The following QRICH2 variants were observed in gnomAD, a reference collection of about 807,000 sequenced individuals.
QRICH2 encodes the protein glutamine-rich protein 2.
Under a neutral mutation model 168.3 loss-of-function variants are expected in QRICH2, and 119 were observed. That is an observed-to-expected ratio of 0.71 (90% CI 0.61 to 0.82). The LOEUF is 0.82. Ranked by LOEUF, QRICH2 falls within the 40% of genes least tolerant of loss-of-function variation. The pLI is 0.00. For synonymous variants in QRICH2, 894 were observed against 951.2 expected (o/e 0.94, Z 1.11); for missense variants, 2,241 against 2,491.6 (o/e 0.90, Z 2.14).
upstream of QRICH2, chr17:76,308,343 G>C (rs2071023197): frequency 1.0e-6 from 1 of 985,336 alleles, no homozygotes; most frequent in Non-Finnish European, 1.2e-6. Context: ...CGAGCCACGG[G>C]GGCGGGGGGA....
In QRICH2 at chr17:76,292,603, A is replaced by T; in HGVS notation, c.2124T>A (p.His708Gln). The change falls in exon 4 of 19, where the codon CAT (histidine) becomes CAA (glutamine). Residue 708 changes from histidine (H) to glutamine (Q), a missense_variant. His to Gln is a conservative substitution (Grantham distance 24, BLOSUM62 0). Coordinates refer to ENST00000680821, the MANE Select transcript of QRICH2 (RefSeq NM_001388453.1). ...GATCTGCACCAGATTGTACCAAACC[A>T]TGCTGATCTGCACCAGGTTGCACCA... is the stretch of plus-strand genomic sequence containing the variant. The part of the protein sequence containing the change: ...IDVVQPGADQ[H>Q]GLVQSGADQS... 2 of 1,614,140 alleles carry T rather than the reference A, an allele frequency of 1.2e-6. No individual in the cohort carries two copies. The highest frequency in any genetic ancestry group is 1.7e-6 in the Non-Finnish European group (2 of 1,179,984).
chr17:76,280,626 A>G lies in QRICH2; in HGVS notation c.4461+28T>C, dbSNP rs866576586. 3.1e-6 allele frequency: 5 copies of G among 1,613,346 alleles called. No homozygotes were observed. The highest frequency in any genetic ancestry group is 3.3e-4 in the Middle Eastern group (2 of 6,074). Reference sequence around the variant, plus strand: ...AGTCAGCGAGACCGCCCTGGGACACAGCGTGGCTCCTGGGGCCTGGCACCC... The same window carrying G: ...AGTCAGCGAGACCGCCCTGGGACACGGCGTGGCTCCTGGGGCCTGGCACCC... On this transcript the variant is annotated intron_variant, in intron 10 of 18. Transcript: ENST00000680821. This position sits in a 1 kb window ranked among gnomAD's most constrained non-coding sequence, Gnocchi z 7.4.
chr17:76,308,210 T>C lies in QRICH2; in HGVS notation c.-212A>G. ...GTCCGCGATGGCCACCCCTCCGCTG[T>C]CTGTCGCTGGCCTCGGGTCCCCGAG... On this transcript the variant is annotated 5_prime_UTR_variant, in exon 1 of 19. Coordinates refer to ENST00000680821, the MANE Select transcript of QRICH2 (RefSeq NM_001388453.1). The C allele has an allele frequency of 5.1e-6, 5 of 985,386 alleles. No homozygotes were observed. Among genetic ancestry groups the C allele is most frequent in the Non-Finnish European group, 4.8e-6 (4 of 829,892 alleles). The allele number at this position is 985,386 out of a possible 1,614,324, so 61.0% of individuals were successfully genotyped here.
In QRICH2 at chr17:76,301,459, C is replaced by T. The variant is rs149130099; in HGVS notation, c.705+2956G>A. On this transcript the variant is annotated intron_variant, in intron 3 of 18. Coordinates refer to ENST00000680821, the MANE Select transcript of QRICH2 (RefSeq NM_001388453.1). ...GGTACGCACCTGTGGTCCCAACTAC[C>T]GGGGAGGCTGAGGCAGGAGGATTGC... is the stretch of plus-strand genomic sequence containing the variant. The T allele has an allele frequency of 7.9e-4, 186 of 236,228 alleles. 3 individuals are homozygous for T. The East Asian group carries it at 0.027, about 35-fold the overall frequency. The allele number at this position is 236,228 out of a possible 1,614,324, so 14.6% of individuals were successfully genotyped here.
chr17:76,275,778 C>A, intron 18 of QRICH2, 41 bp downstream of exon 18: 1 of 1,593,126 alleles, frequency 6.3e-7, no homozygotes. Flanking sequence ...GCAGGGCCAG[C>A]GGGGAGGCCT....
rs139211093 is a variant in QRICH2 at position 76,279,192 on chromosome 17, G to A, written c.4815-50C>T. On this transcript the variant is annotated intron_variant, in intron 13 of 18. Coordinates refer to ENST00000680821, the MANE Select transcript of QRICH2 (RefSeq NM_001388453.1). ...GGCGGGTCAGAGTGGGACAAGTCCGGTCCCCCAAATCCACCTGCCTAAAGA... is the reference window on the plus strand; with the variant it reads ...GGCGGGTCAGAGTGGGACAAGTCCGATCCCCCAAATCCACCTGCCTAAAGA... The A allele has an allele frequency of 1.1e-3, 1,672 of 1,488,256 alleles. 15 individuals are homozygous for A. The African/African-American group carries it at 0.017, about 15-fold the overall frequency. 92.2% of individuals were successfully genotyped at this position (1,488,256 alleles called of 1,614,324 possible).
rs1040656755 is a variant in QRICH2, at chr17:76,281,710, G to A, written c.4263+154C>T. The stretch of plus-strand genomic sequence containing the variant: ...TCGCTGTGGACCTGCAGAAAGACCA[G>A]GGACTCTTGTGGGATCTGGCTAAAG... On this transcript the variant is annotated intron_variant, in intron 8 of 18. Transcript: ENST00000680821. This position sits in a 1 kb window ranked among gnomAD's most constrained non-coding sequence, Gnocchi z 4.4. Among the ~76,000 whole-genome samples the A allele has an allele frequency of 6.6e-6, 1 of 152,240 alleles. No individual in the cohort carries two copies. The highest frequency in any genetic ancestry group is 1.5e-5 in the Non-Finnish European group (1 of 68,044).
intron 17 of QRICH2, 64 bp from the exon 18 acceptor site, chr17:76,276,011 T>C: frequency 1.3e-6 from 2 of 1,576,504 alleles, no homozygotes; most frequent in African/African-American, 1.3e-5. Flanking sequence ...TGGGAACCCC[T>C]GGGGGTGGGG....
chr17:76,281,993 G>A lies in QRICH2; in HGVS notation c.4134C>T (p.Thr1378=). The part of the protein sequence containing the change: ...LAPGQIDPEA[T]CPACSLDVSH... ...TCACATCCAGGCTGCAGGCTGGACA[G>A]GTGGCCTCAGGGTCGATCTGGCCAG... is the stretch of plus-strand genomic sequence containing the variant. Residue 1378 remains threonine, a synonymous_variant, in exon 8 of 19, where the codon ACC becomes ACT. Transcript: ENST00000680821. The surrounding 1 kb of genome is among the most constrained non-coding windows in gnomAD (Gnocchi z 4.4). 2 of 1,613,534 alleles carry A rather than the reference G, an allele frequency of 1.2e-6. No homozygotes were observed. Among genetic ancestry groups the A allele is most frequent in the Non-Finnish European group, 1.7e-6 (2 of 1,179,830 alleles).
chr17:76,277,162 C>T lies in QRICH2; in HGVS notation c.5265+1G>A. The T allele has an allele frequency of 6.4e-7, 1 of 1,570,974 alleles. No individual in the cohort carries two copies. Among genetic ancestry groups the T allele is most frequent in the Non-Finnish European group, 8.6e-7 (1 of 1,164,452 alleles). ...CTGGTGGCTCCAGGCAGGGCCCTGA[C>T]CTTCATGGCAATCTGGATCTCTTCA... is the stretch of plus-strand genomic sequence containing the variant. On this transcript the variant is annotated splice_donor_variant, in intron 16 of 18. Coordinates refer to ENST00000680821, the MANE Select transcript of QRICH2 (RefSeq NM_001388453.1). LOFTEE classifies it high-confidence loss of function.
At chr17:76,308,608 C>T (rs986711217), upstream of QRICH2, 8 of 442,370 alleles carry the variant, frequency 1.8e-5, no homozygotes, top group African/African-American at 1.7e-4. Flanking sequence ...GGGCCCTGGT[C>T]CCCTCAGACA....
At chr17:76,282,175 C>T in intron 7 of QRICH2, 60 bp from the exon 8 acceptor site, 1 of 1,535,212 alleles carries the variant, frequency 6.5e-7, no homozygotes, top group South Asian at 1.2e-5. Flanking sequence ...CACGCTCTGC[C>T]CATGCTGGCA....
At chr17:76,298,405 T>A (rs1168405403) in intron 3 of QRICH2, among the ~76,000 whole-genome samples, 1 of 147,096 alleles carries the variant, frequency 6.8e-6, no homozygotes, top group Non-Finnish European at 1.5e-5. Context: ...GGTCTTGATC[T>A]CCTGACCTGG....
intron 4 of QRICH2, 24 bp from the exon 5 acceptor site, chr17:76,290,101 A>G (rs2070961840): frequency 6.4e-7 from 1 of 1,573,966 alleles, no homozygotes; most frequent in Non-Finnish European, 8.7e-7. Context: ...AAGCCTTATG[A>G]TCAGAGGGGT....
intron 18 of QRICH2, 26 bp downstream of exon 18, chr17:76,275,793 G>A (rs1385941286): frequency 6.2e-7 from 1 of 1,600,286 alleles, no homozygotes; most frequent in East Asian, 2.2e-5. Context: ...AGGCCTGGCA[G>A]GACGCCCCAC....
chr17:76,307,618 G>GATGCCCTGCACCTGGCC lies in QRICH2; in HGVS notation c.364_380dup (p.Ile127MetfsTer25). The GATGCCCTGCACCTGGCC allele has an allele frequency of 6.6e-7, 1 of 1,524,554 alleles. No homozygotes were observed. 94.4% of individuals were successfully genotyped at this position (1,524,554 alleles called of 1,614,324 possible). ...GGGAGAAGTGCTGCACGTGCGTGGC[G>GATGCCCTGCACCTGGCC]ATGCCCTGCACCTGGCCGTCCACAC... On this transcript the variant is annotated frameshift_variant, in exon 1 of 19. Transcript: ENST00000680821. LOFTEE classifies it high-confidence loss of function. This position sits in a 1 kb window ranked among gnomAD's most constrained non-coding sequence, Gnocchi z 5.3.
At chr17:76,290,931 GGAGTTGAGGCCAGGGGAA>G (rs1019190102) in intron 4 of QRICH2, 66 bp downstream of exon 4, 1 of 1,545,612 alleles carries the variant, frequency 6.5e-7, no homozygotes, top group African/African-American at 1.4e-5. Flanking sequence ...GTAGCAGCCA[GGAGTTGAGGCCAGGGGAA>G]GAAAAGGATG....
intron 3 of QRICH2, among the ~76,000 whole-genome samples, chr17:76,300,175 G>A (rs1427145755): frequency 6.6e-6 from 1 of 152,154 alleles, no homozygotes; most frequent in South Asian, 2.1e-4. Flanking sequence ...TGTTTTTACC[G>A]AGCAGTACAT....
intron 7 of QRICH2, among the ~76,000 whole-genome samples, chr17:76,282,346 A>G (rs2070805407): frequency 6.6e-6 from 1 of 152,186 alleles, no homozygotes; most frequent in African/African-American, 2.4e-5. Context: ...AGCCCTTGCC[A>G]GAAGAAGGCC....
Sources: allele counts gnomAD v4.1 joint callset (sites outside exome capture counted in the v4.1 genomes callset), GRCh38; gene constraint gnomAD v4.1.1; non-coding constraint Gnocchi (gnomAD v3.1); transcripts MANE v1.5; gene names NCBI Gene and HGNC (gene_info 2026-07-23, HGNC 2026-07-21).